Variants in ABLIM1 observed in about 807,000 individuals in gnomAD.
ABLIM1 encodes actin-binding LIM protein 1.
In ABLIM1, 40 loss-of-function variants were observed where a neutral mutation model predicts 107.0. The observed-to-expected ratio is 0.37, with a 90% confidence interval of 0.29 to 0.49. The LOEUF is 0.49. Ranked by LOEUF, ABLIM1 falls within the 20% of genes least tolerant of loss-of-function variation. The pLI, the probability that ABLIM1 is intolerant of heterozygous loss-of-function variation, is 0.97. For missense variants in ABLIM1, 857 were observed against 1,008.5 expected (o/e 0.85, Z 2.04); for synonymous variants, 357 against 357.3 (o/e 1.00, Z 0.01).
At chr10:114,717,307 T>C (rs1241350640) in intron 1 of ABLIM1, among the ~76,000 whole-genome samples, 2 of 152,228 alleles carry the variant, frequency 1.3e-5, no homozygotes, top group Non-Finnish European at 2.9e-5. Context: ...AATAAATTAC[T>C]TGTGGTCATT....
chr10:114,451,713 G>A (rs373570531), intron 13 of ABLIM1, 42 bp from the exon 14 acceptor site: 2 of 1,531,128 alleles, frequency 1.3e-6, no homozygotes, highest in Non-Finnish European at 8.9e-7. Flanking sequence ...ATGGGAACCA[G>A]TTCAGCGATG....
At chr10:114,784,863 A>G in the ABLIM1 span, among the ~76,000 whole-genome samples, 9 of 151,770 alleles carry the variant, frequency 5.9e-5, no homozygotes, top group Non-Finnish European at 1.2e-4. Context: ...ACTTTCCTGG[A>G]CCATAAAGGA....
intron 6 of ABLIM1, among the ~76,000 whole-genome samples, chr10:114,539,227 G>A (rs572677384): frequency 1.1e-4 from 16 of 152,238 alleles, no homozygotes; most frequent in Non-Finnish European, 1.5e-4. Flanking sequence ...GCATGGTGGC[G>A]TGCACCTGTA....
intron 6 of ABLIM1, among the ~76,000 whole-genome samples, chr10:114,523,444 G>C (rs1421041424): frequency 6.6e-6 from 1 of 152,114 alleles, no homozygotes; most frequent in Admixed American, 6.6e-5. Flanking sequence ...TTCAACTGGC[G>C]AGTTTTCTTA....
intron 6 of ABLIM1, among the ~76,000 whole-genome samples, chr10:114,506,549 ATTCT>A (rs1399038068): frequency 6.6e-6 from 1 of 152,156 alleles, no homozygotes; most frequent in Non-Finnish European, 1.5e-5. Context: ...AATAATAGCC[ATTCT>A]GACTAGTGTG....
In ABLIM1 at chr10:114,463,000, A is replaced by G. The variant is rs752285560; in HGVS notation, c.1441+2698T>C. The G allele has an allele frequency of 8.4e-6, 11 of 1,306,190 alleles. No individual in the cohort carries two copies. The South Asian group carries it at 1.2e-4, about 15-fold the overall frequency. The allele number at this position is 1,306,190 out of a possible 1,614,324, so 80.9% of individuals were successfully genotyped here. A position where few individuals can be genotyped will look rare whatever the true frequency, so the allele number is the denominator to read the frequency against. On this transcript the variant is annotated intron_variant, in intron 12 of 22. Coordinates refer to ENST00000533213, the MANE Select transcript of ABLIM1 (RefSeq NM_002313.7). ...ATTAGCCTTCCCAGGGTGCTAATAA[A>G]TCTCCACTATGCAGGGTGCTGCCTG... is the stretch of plus-strand genomic sequence containing the variant.
intron 20 of ABLIM1, chr10:114,439,541 T>C (rs1424666795): frequency 2.7e-5 from 13 of 490,436 alleles, no homozygotes; most frequent in Non-Finnish European, 4.0e-5. Flanking sequence ...TGCCCAAGTC[T>C]ATTATTGTTA....
intron 1 of ABLIM1, among the ~76,000 whole-genome samples, chr10:114,623,613 G>C (rs1366109415): frequency 6.6e-6 from 1 of 152,172 alleles, no homozygotes; most frequent in African/African-American, 2.4e-5. Context: ...GTCAAAATGT[G>C]GTCCCTGAAT....
upstream of ABLIM1, among the ~76,000 whole-genome samples, chr10:114,662,620 C>T (rs1326293759): frequency 6.6e-6 from 1 of 152,208 alleles, no homozygotes; most frequent in East Asian, 1.9e-4. Flanking sequence ...GAAAGGCCTG[C>T]TTCCTCCATC....
At chr10:114,752,098 G>C (rs1394903135) in intron 1 of ABLIM1, among the ~76,000 whole-genome samples, 2 of 152,198 alleles carry the variant, frequency 1.3e-5, no homozygotes, top group Non-Finnish European at 2.9e-5. Flanking sequence ...TGCATTACAG[G>C]AATTGAGTCA....
chr10:114,630,311 G>T (rs553017149), intron 1 of ABLIM1, among the ~76,000 whole-genome samples: 8 of 152,252 alleles, frequency 5.3e-5, no homozygotes, highest in South Asian at 2.1e-4. Context: ...GTCATAGTTG[G>T]GTGGGAGCTA....
chr10:114,689,265 T>C (rs1220520580), upstream of ABLIM1, among the ~76,000 whole-genome samples: 1 of 152,130 alleles, frequency 6.6e-6, no homozygotes, highest in Non-Finnish European at 1.5e-5. Context: ...ATCACCTGTC[T>C]TCCAAATCTG....
At chr10:114,505,793 T>A (rs1275440336) in intron 6 of ABLIM1, among the ~76,000 whole-genome samples, 2 of 152,204 alleles carry the variant, frequency 1.3e-5, no homozygotes, top group African/African-American at 2.4e-5. Flanking sequence ...CCATGAATTA[T>A]AAATATTTTC....
chr10:114,464,146 C>T (rs1354787756), intron 12 of ABLIM1, among the ~76,000 whole-genome samples: 3 of 151,918 alleles, frequency 2.0e-5, no homozygotes, highest in African/African-American at 4.8e-5. Flanking sequence ...TCTCAGTGAC[C>T]TCAGCATATG....
chr10:114,440,895 A>T, intron 19 of ABLIM1, 122 bp downstream of exon 19: 1 of 969,800 alleles, frequency 1.0e-6, no homozygotes, highest in Non-Finnish European at 1.6e-6. Flanking sequence ...CTCACAGAAG[A>T]CAGATGTGAT....
chr10:114,589,738 TAAGCTAAA>T (rs1335771018), intron 2 of ABLIM1, among the ~76,000 whole-genome samples: 1 of 152,202 alleles, frequency 6.6e-6, no homozygotes, highest in Non-Finnish European at 1.5e-5. Context: ...GAGTTTGTTT[TAAGCTAAA>T]TGTTTTACAA....
intron 1 of ABLIM1, among the ~76,000 whole-genome samples, chr10:114,723,501 G>A (rs2081893692): frequency 6.6e-6 from 1 of 152,228 alleles, no homozygotes; most frequent in South Asian, 2.1e-4. Context: ...AGCCAGGCCA[G>A]CATAAAAGGG....
upstream of ABLIM1, among the ~76,000 whole-genome samples, chr10:114,772,824 C>CA (rs1036188974): frequency 1.3e-5 from 2 of 151,806 alleles, no homozygotes; most frequent in African/African-American, 4.8e-5. Flanking sequence ...TATAAAGTAA[C>CA]AAAAAAATAA....
At chr10:114,555,032 G>T (rs547489995) in intron 4 of ABLIM1, among the ~76,000 whole-genome samples, 1 of 152,266 alleles carries the variant, frequency 6.6e-6, no homozygotes, top group Admixed American at 6.5e-5. Flanking sequence ...GCACATACAT[G>T]TAAACACTTG....
Sources: gnomAD v4.1 joint callset for allele counts (sites outside exome capture counted in the v4.1 genomes callset) on GRCh38, gnomAD v4.1.1 for gene constraint, MANE v1.5 for transcripts, NCBI Gene and HGNC (gene_info 2026-07-23, HGNC 2026-07-21) for gene names.